BTBD8: variants seen among roughly 807,000 people sequenced by gnomAD.
The protein encoded by BTBD8 is BTB domain containing 8.
Under a neutral mutation model 162.9 loss-of-function variants are expected in BTBD8, and 110 were observed. The ratio of observed to expected loss-of-function variants is 0.68; its 90% CI spans 0.58 to 0.79. The LOEUF (loss-of-function observed/expected upper bound fraction) is 0.79, where lower values mean the gene tolerates loss of function less well. Ranked by LOEUF, BTBD8 falls within the 30% of genes least tolerant of loss-of-function variation. The pLI is 0.00. For missense variants in BTBD8, 1,905 were observed against 2,085.4 expected (o/e 0.91, Z 1.68); for synonymous variants, 667 against 716.1 (o/e 0.93, Z 1.10).
intron 5 of BTBD8, among the ~76,000 whole-genome samples, chr1:92,138,990 G>A (rs947790780): frequency 3.3e-4 from 50 of 152,172 alleles, no homozygotes; most frequent in Admixed American, 1.8e-3. Flanking sequence ...GTACATTTGA[G>A]TCTTTAAGCA....
intron 1 of BTBD8, among the ~76,000 whole-genome samples, chr1:92,080,993 T>TA (rs1476899965): frequency 6.6e-6 from 1 of 152,206 alleles, no homozygotes; most frequent in Non-Finnish European, 1.5e-5. Context: ...TTGCTAGAAA[T>TA]ATCTCAACAC....
intron 2 of BTBD8, among the ~76,000 whole-genome samples, chr1:92,095,117 A>G (rs1332975559): frequency 6.6e-6 from 1 of 152,186 alleles, no homozygotes; most frequent in East Asian, 1.9e-4. Context: ...AGCCAATCCT[A>G]AGTACATGGA....
rs932905130 is a variant in BTBD8 at position 92,183,993 on chromosome 1, A to G, written c.5042A>G (p.His1681Arg). The change falls in exon 18 of 18, where the codon CAT becomes CGT. Residue 1681 changes from histidine (H) to arginine (R), a missense_variant. Physicochemically the swap from His to Arg is conservative, Grantham distance 29. Coordinates refer to ENST00000636805, the MANE Select transcript of BTBD8 (RefSeq NM_001376131.1). ...GAGCAGAAAGTGGAATCAGAAACAC[A>G]TGTTACAGATATGGATTTTGAAGAT... ...AFEQKVESETHVTDMDFEDDQ... is the reference protein window; with the variant it reads ...AFEQKVESETRVTDMDFEDDQ... 8.4e-6 allele frequency: 13 copies of G among 1,551,480 alleles called. No individual in the cohort carries two copies. The highest frequency in any genetic ancestry group is 1.7e-4 in the Middle Eastern group (1 of 6,008).
chr1:92,182,244 G>C lies in BTBD8; in HGVS notation c.4561G>C (p.Asp1521His). ...CACTGTCTTGGATCTTAGTAGCATT[G>C]ACTCTTCAAGAAAAAATAAACAGAG... The part of the protein sequence containing the change: ...ESTVLDLSSI[D>H]SSRKNKQSVS... Residue 1521 changes from aspartate (D) to histidine (H), a missense_variant, in exon 17 of 18, where the codon GAC (aspartate) becomes CAC (histidine). This residue lies in a region of BTBD8 where 517 missense variants were observed against 606.6 expected (regional missense o/e 0.85). Coordinates refer to ENST00000636805, the MANE Select transcript of BTBD8 (RefSeq NM_001376131.1). 1.3e-6 allele frequency: 2 copies of C among 1,550,970 alleles called. No homozygotes were observed. Among genetic ancestry groups the C allele is most frequent in the African/African-American group, 1.4e-5 (1 of 73,116 alleles).
intron 10 of BTBD8, 67 bp from the exon 11 acceptor site, chr1:92,167,781 C>A: frequency 7.8e-7 from 1 of 1,277,190 alleles, no homozygotes; most frequent in South Asian, 1.6e-5. Context: ...TCTGTTACGC[C>A]AGACTTTCAC....
chr1:92,174,213 C>T (rs1418310676), intron 13 of BTBD8, among the ~76,000 whole-genome samples: 2 of 152,074 alleles, frequency 1.3e-5, no homozygotes, highest in Non-Finnish European at 2.9e-5. Context: ...TTTTTTGAGA[C>T]AGGGTCTCAC....
At chr1:92,182,708 C>A in intron 17 of BTBD8, 113 bp downstream of exon 17, 1 of 569,198 alleles carries the variant, frequency 1.8e-6, no homozygotes, top group Non-Finnish European at 2.8e-6. Flanking sequence ...ATTACTTAAG[C>A]AACAGATTAA....
Position 92,180,918 on chromosome 1 carries a change from A to C in BTBD8, c.3235A>C (p.Asn1079His). The change falls in exon 17 of 18, where the codon AAT becomes CAT. Residue 1079 changes from asparagine (N) to histidine (H), a missense_variant. By Grantham distance (68) the Asn-to-His change is moderately conservative. This residue lies in a region of BTBD8 where 1,374 missense variants were observed against 1,442.7 expected (regional missense o/e 0.95). Coordinates refer to ENST00000636805, the MANE Select transcript of BTBD8 (RefSeq NM_001376131.1). ...NICCHSVGSD[N>H]VNSKFYSTTA... ...ATGTTGTCATTCTGTTGGGAGTGAT[A>C]ATGTAAATTCAAAATTTTATAGCAC... The C allele has an allele frequency of 6.4e-7, 1 of 1,551,654 alleles. No individual in the cohort carries two copies. Among genetic ancestry groups the C allele is most frequent in the Non-Finnish European group, 8.7e-7 (1 of 1,146,976 alleles).
chr1:92,080,934 C>T (rs1647994875), intron 1 of BTBD8, among the ~76,000 whole-genome samples: 1 of 152,162 alleles, frequency 6.6e-6, no homozygotes, highest in Non-Finnish European at 1.5e-5. Flanking sequence ...ACACCATGTA[C>T]CAGATTCAAA....
chr1:92,117,767 C>A (rs1261541210), intron 4 of BTBD8, among the ~76,000 whole-genome samples: 1 of 152,038 alleles, frequency 6.6e-6, no homozygotes, highest in Non-Finnish European at 1.5e-5. Context: ...AGCTAAGCCA[C>A]AAGGCTCTGC....
intron 7 of BTBD8, among the ~76,000 whole-genome samples, chr1:92,144,869 T>TA (rs1649872941): frequency 6.6e-6 from 1 of 151,888 alleles, no homozygotes; most frequent in African/African-American, 2.4e-5. Flanking sequence ...ATATTTTATA[T>TA]AACTTAAAGT....
At chr1:92,118,894 GTGTGTGTC>G (rs1250584487) in intron 4 of BTBD8, among the ~76,000 whole-genome samples, 1 of 83,936 alleles carries the variant, frequency 1.2e-5, no homozygotes, top group Non-Finnish European at 2.4e-5. Context: ...CCCTCAGTGT[GTGTGTGTC>G]TGTGTGTGTG....
intron 9 of BTBD8, among the ~76,000 whole-genome samples, chr1:92,164,516 G>A (rs1650341263): frequency 6.6e-6 from 1 of 151,980 alleles, no homozygotes; most frequent in Non-Finnish European, 1.5e-5. Context: ...CTATTTGCAT[G>A]ACTGAGGCAC....
rs896913239 is a variant in BTBD8, at chr1:92,080,429, C to T, written c.-143C>T. ...CTTCTCTGGGAGACTGTCTACAAAC[C>T]GACGAGAGGCGTCAACCTTTTACCC... is the stretch of plus-strand genomic sequence containing the variant. On this transcript the variant is annotated 5_prime_UTR_variant, in exon 1 of 18. Transcript: ENST00000636805. 13 of 1,237,840 alleles carry T rather than the reference C, an allele frequency of 1.1e-5. No homozygotes were observed. The highest frequency in any genetic ancestry group is 6.3e-5 in the South Asian group (4 of 63,640). 76.7% of individuals were successfully genotyped at this position (1,237,840 alleles called of 1,614,324 possible).
Position 92,171,381 on chromosome 1 carries a change from T to G in BTBD8, c.1574-18T>G. ...AATAATGTTCCTTATAAAAACAAAT[T>G]GCTGTTTCTTTCTACAGCTGCATTT... On this transcript the variant is annotated intron_variant, in intron 12 of 17. Coordinates refer to ENST00000636805, the MANE Select transcript of BTBD8 (RefSeq NM_001376131.1). 1 of 1,534,610 alleles carries G rather than the reference T, an allele frequency of 6.5e-7. No homozygotes were observed. Among genetic ancestry groups the G allele is most frequent in the Non-Finnish European group, 8.8e-7 (1 of 1,136,802 alleles).
chr1:92,107,836 C>G (rs372571918), intron 3 of BTBD8, 48 bp from the exon 4 acceptor site: 2 of 1,439,612 alleles, frequency 1.4e-6, no homozygotes, highest in South Asian at 2.5e-5. Context: ...AATTTTTGGA[C>G]GTTTGTAATA....
At chr1:92,143,100 T>G (rs1649815702) in intron 7 of BTBD8, among the ~76,000 whole-genome samples, 1 of 152,180 alleles carries the variant, frequency 6.6e-6, no homozygotes, top group Admixed American at 6.5e-5. Context: ...ATCCAGAAAG[T>G]ACTAGAATCT....
At chr1:92,142,260 A>G (rs6656359) in intron 7 of BTBD8, among the ~76,000 whole-genome samples, 5 of 152,236 alleles carry the variant, frequency 3.3e-5, no homozygotes, top group African/African-American at 1.2e-4. Context: ...TTCCTTCTTC[A>G]TATGTCTCCC....
Position 92,181,653 on chromosome 1 carries a change from A to G in BTBD8, c.3970A>G (p.Lys1324Glu). The change falls in exon 17 of 18, where the codon AAA becomes GAA. Residue 1324 changes from lysine (K) to glutamate (E), a missense_variant. Coordinates refer to ENST00000636805, the MANE Select transcript of BTBD8 (RefSeq NM_001376131.1). ...DSNLRIEVKM[K>E]KQSNNDLFQV... Reference sequence around the variant, plus strand: ...TAATTTAAGAATTGAAGTAAAAATGAAAAAGCAAAGTAATAATGATCTTTT... The same window carrying G: ...TAATTTAAGAATTGAAGTAAAAATGGAAAAGCAAAGTAATAATGATCTTTT... 1 of 1,550,842 alleles carries G rather than the reference A, an allele frequency of 6.4e-7. No homozygotes were observed. Among genetic ancestry groups the G allele is most frequent in the South Asian group, 1.2e-5 (1 of 83,896 alleles).
Sources: allele counts gnomAD v4.1 joint callset (sites outside exome capture counted in the v4.1 genomes callset), GRCh38; gene constraint gnomAD v4.1.1; regional missense constraint gnomAD v4.1.1; transcripts MANE v1.5; gene names NCBI Gene and HGNC (gene_info 2026-07-23, HGNC 2026-07-21).